The following GRIP1 variants were observed in gnomAD, a reference collection of about 807,000 sequenced individuals.
GRIP1 encodes the protein glutamate receptor-interacting protein 1.
GRIP1 carries 45 observed loss-of-function variants against 129.9 expected under a neutral mutation model. That is an observed-to-expected ratio of 0.35 (90% confidence interval 0.27 to 0.44). The LOEUF (loss-of-function observed/expected upper bound fraction) is 0.44. GRIP1 is among the 20% of genes least tolerant of loss of function. GRIP1 has a pLI of 1.00. For synonymous variants in GRIP1, 530 were observed against 520.8 expected (o/e 1.02, Z -0.24); for missense variants, 1,196 against 1,396.8 (o/e 0.86, Z 2.29).
chr12:66,564,834 T>C (rs2062687443), intron 2 of GRIP1, among the ~76,000 whole-genome samples: 2 of 152,252 alleles, frequency 1.3e-5, no homozygotes, highest in Non-Finnish European at 2.9e-5. Context: ...TGGTGTGAGA[T>C]GGTATCTCCT....
At chr12:67,057,325 C>T (rs1274574925) in intron 1 of GRIP1, among the ~76,000 whole-genome samples, 1 of 151,696 alleles carries the variant, frequency 6.6e-6, no homozygotes, top group Non-Finnish European at 1.5e-5. Context: ...ACTACACCTA[C>T]CAAGAAAAGG....
intron 1 of GRIP1, among the ~76,000 whole-genome samples, chr12:66,601,224 T>C (rs907969495): frequency 3.3e-5 from 5 of 152,102 alleles, no homozygotes; most frequent in Non-Finnish European, 7.4e-5. Context: ...ACACAGATCA[T>C]TTGTTTTGAT....
chr12:66,659,820 A>G (rs913201430), intron 1 of GRIP1, among the ~76,000 whole-genome samples: 1 of 152,174 alleles, frequency 6.6e-6, no homozygotes, highest in African/African-American at 2.4e-5. Flanking sequence ...TTGCCATGCA[A>G]TTCTCTTGTA....
intron 1 of GRIP1, among the ~76,000 whole-genome samples, chr12:67,043,280 T>C (rs1338671089): frequency 6.6e-6 from 1 of 152,206 alleles, no homozygotes; most frequent in Non-Finnish European, 1.5e-5. Flanking sequence ...AGCCTGCTGA[T>C]AGGAGGAATC....
intron 2 of GRIP1, among the ~76,000 whole-genome samples, chr12:66,588,533 T>C (rs981105285): frequency 1.3e-5 from 2 of 152,160 alleles, no homozygotes; most frequent in Admixed American, 6.5e-5. Flanking sequence ...TCACATTTCA[T>C]TCTAAGTAAG....
intron 1 of GRIP1, among the ~76,000 whole-genome samples, chr12:66,933,238 T>A (rs1410502999): frequency 6.6e-6 from 1 of 152,212 alleles, no homozygotes; most frequent in African/African-American, 2.4e-5. Context: ...TATAAAGGCA[T>A]GACTAAGTAT....
At chr12:66,444,224 C>T (rs899950117) in intron 13 of GRIP1, among the ~76,000 whole-genome samples, 4 of 152,184 alleles carry the variant, frequency 2.6e-5, no homozygotes, top group Non-Finnish European at 4.4e-5. Context: ...CGGTGGCTCA[C>T]GCCTGTAATC....
At position 66,599,823 on chromosome 12, in the gene GRIP1, C is replaced by A. The variant is rs117902861; in HGVS notation, c.56-2896G>T. On this transcript the variant is annotated intron_variant, in intron 1 of 24. Coordinates refer to ENST00000359742, the MANE Select transcript of GRIP1 (RefSeq NM_001366722.1). ...TCTTTCATTATAAATGGAACTAAGG[C>A]CCAGAAAGATAAATTTATAGAAGGG... Among the ~76,000 whole-genome samples, 1,300 of 152,220 alleles carry A rather than the reference C, an allele frequency of 8.5e-3. 15 individuals carry two copies. Among genetic ancestry groups the A allele is most frequent in the Middle Eastern group, 0.027 (8 of 294 alleles).
At chr12:67,027,739 C>T (rs1164342326) in intron 1 of GRIP1, among the ~76,000 whole-genome samples, 1 of 152,094 alleles carries the variant, frequency 6.6e-6, no homozygotes, top group East Asian at 1.9e-4. Context: ...TAGTTCAGGG[C>T]CAGTGGTGCA....
rs2043688563 is a variant in GRIP1, at chr12:67,069,022, C to T, written c.58+28G>A. On this transcript the variant is annotated intron_variant, in intron 1 of 1. Coordinates refer to the GRIP1 transcript ENST00000643019. ...CGGCCCCGGCCCGGACCCCTGCCCTCCCTCCCCGGCCCCGCCGCCTGGCTC... is the reference window on the plus strand; with the variant it reads ...CGGCCCCGGCCCGGACCCCTGCCCTTCCTCCCCGGCCCCGCCGCCTGGCTC... The T allele has an allele frequency of 7.0e-5, 57 of 817,746 alleles. 1 individual carries two copies. Among genetic ancestry groups the T allele is most frequent in the Non-Finnish European group, 8.3e-5 (56 of 677,248 alleles). 50.7% of individuals were successfully genotyped at this position (817,746 alleles called of 1,614,324 possible).
At chr12:66,686,401 G>T (rs778114158) in intron 1 of GRIP1, among the ~76,000 whole-genome samples, 10 of 152,218 alleles carry the variant, frequency 6.6e-5, no homozygotes, top group Non-Finnish European at 1.3e-4. Flanking sequence ...CATCCTGATA[G>T]TAGATTCTGG....
intron 1 of GRIP1, among the ~76,000 whole-genome samples, chr12:66,613,197 C>A (rs988043783): frequency 6.6e-6 from 1 of 152,110 alleles, no homozygotes; most frequent in African/African-American, 2.4e-5. Flanking sequence ...TTTCATAGCA[C>A]GAGGATATCA....
chr12:66,726,630 T>C (rs1041947851), intron 1 of GRIP1, among the ~76,000 whole-genome samples: 7 of 152,246 alleles, frequency 4.6e-5, no homozygotes, highest in African/African-American at 1.7e-4. Flanking sequence ...CTGACCTCTA[T>C]CAACCAATGA....
chr12:66,827,164 G>A (rs2039427919), intron 1 of GRIP1, among the ~76,000 whole-genome samples: 2 of 152,056 alleles, frequency 1.3e-5, no homozygotes, highest in African/African-American at 4.8e-5. Context: ...TCTTGACAAG[G>A]CTCAGCAAGG....
intron 1 of GRIP1, among the ~76,000 whole-genome samples, chr12:67,053,837 CA>C (rs11366291): frequency 0.96 from 136,411 of 142,750 alleles, 65,359 homozygotes; most frequent in South Asian, 1. Context: ...GACTCCATCT[CA>C]AAAAAAAAAA....
In GRIP1 at chr12:66,577,376, T is replaced by C. The variant is rs1592583236; in HGVS notation, c.136+19471A>G. On this transcript the variant is annotated intron_variant, in intron 2 of 24. Transcript: ENST00000359742. Reference sequence around the variant, plus strand: ...CTAAAAATATTGAAGCAGAAGAAATTAGATGTGGAGTTTCCAATAGTGAAA... The same window carrying C: ...CTAAAAATATTGAAGCAGAAGAAATCAGATGTGGAGTTTCCAATAGTGAAA... Among the ~76,000 whole-genome samples the C allele has an allele frequency of 1.3e-5, 2 of 152,254 alleles. 1 individual carries two copies. The highest frequency in any genetic ancestry group is 4.1e-4 in the South Asian group (2 of 4,820).
chr12:66,872,421 TC>T (rs763607468), intron 1 of GRIP1, among the ~76,000 whole-genome samples: 135 of 152,172 alleles, frequency 8.9e-4, no homozygotes, highest in Admixed American at 1.8e-3. Flanking sequence ...TATATTAAAT[TC>T]CAACCCTCCC....
intron 1 of GRIP1, among the ~76,000 whole-genome samples, chr12:66,690,116 C>G (rs1418486276): frequency 6.6e-6 from 1 of 151,894 alleles, no homozygotes; most frequent in Non-Finnish European, 1.5e-5. Context: ...GAAGGGCTGT[C>G]CCTACATTGC....
At chr12:66,431,802 A>T (rs2058156177) in intron 14 of GRIP1, among the ~76,000 whole-genome samples, 1 of 152,192 alleles carries the variant, frequency 6.6e-6, no homozygotes, top group African/African-American at 2.4e-5. Flanking sequence ...ATGAAAGTCC[A>T]CTGGAGCTAA....
Sources: allele counts gnomAD v4.1 joint callset (sites outside exome capture counted in the v4.1 genomes callset), GRCh38; gene constraint gnomAD v4.1.1; transcripts MANE v1.5; gene names NCBI Gene and HGNC (gene_info 2026-07-23, HGNC 2026-07-21).